FOXP2: variants seen among roughly 807,000 people sequenced by gnomAD.
FOXP2 encodes the protein forkhead box P2.
Under a neutral mutation model 115.8 loss-of-function variants are expected in FOXP2, and 12 were observed. The observed-to-expected ratio is 0.10, with a 90% CI of 0.07 to 0.17. The LOEUF is 0.17. FOXP2 is among the 10% of genes least tolerant of loss of function. The pLI, the probability that FOXP2 is intolerant of heterozygous loss-of-function variation, is 1.00. For synonymous variants in FOXP2, 328 were observed against 297.7 expected (o/e 1.10, Z -1.05); for missense variants, 629 against 843.5 (o/e 0.75, Z 3.15).
intron 2 of FOXP2, among the ~76,000 whole-genome samples, chr7:114,454,309 C>A (rs1191868771): frequency 6.6e-6 from 1 of 152,118 alleles, no homozygotes; most frequent in Non-Finnish European, 1.5e-5. Context: ...CAAATCAAAA[C>A]CACTGTGAGA....
chr7:114,574,719 G>A (rs1437861280), intron 3 of FOXP2, among the ~76,000 whole-genome samples: 1 of 151,836 alleles, frequency 6.6e-6, no homozygotes, highest in Non-Finnish European at 1.5e-5. Context: ...GTTTTACATA[G>A]GATTCTGCCA....
intron 3 of FOXP2, among the ~76,000 whole-genome samples, chr7:114,597,263 A>G (rs941640360): frequency 6.6e-6 from 1 of 152,130 alleles, no homozygotes; most frequent in African/African-American, 2.4e-5. Context: ...GCAGGAGTAT[A>G]TATCTGTGCC....
At chr7:114,127,058 A>T (rs1292885713) in intron 1 of FOXP2, among the ~76,000 whole-genome samples, 1 of 152,286 alleles carries the variant, frequency 6.6e-6, no homozygotes, top group East Asian at 1.9e-4. Flanking sequence ...TGAATGCTCA[A>T]CTGGGAAAAG....
intron 1 of FOXP2, among the ~76,000 whole-genome samples, chr7:114,230,689 A>G (rs138358350): frequency 8.0e-4 from 121 of 152,044 alleles, no homozygotes; most frequent in Non-Finnish European, 1.3e-3. Context: ...CAATAAGAAC[A>G]TTCAGTGTGC....
intron 1 of FOXP2, among the ~76,000 whole-genome samples, chr7:114,269,097 C>T (rs1168978233): frequency 6.6e-6 from 1 of 151,980 alleles, no homozygotes; most frequent in Non-Finnish European, 1.5e-5. Flanking sequence ...GCTAAGTAAA[C>T]AAATAGGGCC....
At chr7:114,358,713 C>A (rs1324188592) in intron 2 of FOXP2, among the ~76,000 whole-genome samples, 6 of 152,112 alleles carry the variant, frequency 3.9e-5, no homozygotes, top group African/African-American at 7.2e-5. Flanking sequence ...ATCTATGGAA[C>A]TTTGAACTTG....
intron 2 of FOXP2, among the ~76,000 whole-genome samples, chr7:114,317,549 G>GC (rs76512736): frequency 0.05 from 7,583 of 152,106 alleles, 537 homozygotes; most frequent in East Asian, 0.34. Flanking sequence ...CTTAATGCAA[G>GC]CCACCATCAC....
At chr7:114,092,734 T>C (rs1162193186) in intron 1 of FOXP2, among the ~76,000 whole-genome samples, 1 of 152,062 alleles carries the variant, frequency 6.6e-6, no homozygotes, top group Non-Finnish European at 1.5e-5. Context: ...CCCAACATCT[T>C]TAAGAACCAT....
intron 1 of FOXP2, among the ~76,000 whole-genome samples, chr7:114,136,708 A>G (rs1272146533): frequency 6.6e-6 from 1 of 151,890 alleles, no homozygotes; most frequent in Non-Finnish European, 1.5e-5. Flanking sequence ...CATTTAAAAG[A>G]AAGAAAGTAA....
At chr7:114,497,684 A>C (rs2129249659) in intron 2 of FOXP2, among the ~76,000 whole-genome samples, 2 of 145,310 alleles carry the variant, frequency 1.4e-5, no homozygotes, top group Admixed American at 6.7e-5. Flanking sequence ...TAAATAAATA[A>C]ATAAATAAAT....
At chr7:114,448,532 T>C (rs952959079) in intron 2 of FOXP2, among the ~76,000 whole-genome samples, 2 of 152,160 alleles carry the variant, frequency 1.3e-5, no homozygotes, top group African/African-American at 4.8e-5. Context: ...GTTAAGTTAA[T>C]GCCTTTTTCT....
At chr7:114,398,315 A>T (rs905826493) in intron 2 of FOXP2, among the ~76,000 whole-genome samples, 1 of 152,144 alleles carries the variant, frequency 6.6e-6, no homozygotes, top group African/African-American at 2.4e-5. Flanking sequence ...TATTGGAAAA[A>T]ATACTTCTTA....
chr7:114,609,557 T>C (rs563732563), intron 3 of FOXP2, among the ~76,000 whole-genome samples: 2 of 152,338 alleles, frequency 1.3e-5, no homozygotes, highest in African/African-American at 2.4e-5. Context: ...ATCTTCGATA[T>C]AGAATGTCTT....
chr7:114,214,648 C>T (rs1794443439), intron 1 of FOXP2, among the ~76,000 whole-genome samples: 2 of 152,152 alleles, frequency 1.3e-5, no homozygotes, highest in Admixed American at 1.3e-4. Flanking sequence ...CCACAGAGCT[C>T]TGCAGGTTGG....
At chr7:114,657,049 G>C (rs1425960661) in intron 10 of FOXP2, among the ~76,000 whole-genome samples, 2 of 152,086 alleles carry the variant, frequency 1.3e-5, no homozygotes, top group African/African-American at 4.8e-5. Context: ...ACTGTATAAA[G>C]TAAAAAGGAC....
intron 2 of FOXP2, among the ~76,000 whole-genome samples, chr7:114,304,313 T>C (rs950053069): frequency 2.0e-4 from 31 of 152,016 alleles, no homozygotes; most frequent in Non-Finnish European, 4.4e-5. Flanking sequence ...CATTGAGCAA[T>C]GCAGAATAAA....
At position 114,102,285 on chromosome 7, in the gene FOXP2, C is replaced by A. The variant is rs115109895; in HGVS notation, c.-247+14447C>A. 6.8e-3 allele frequency among the ~76,000 whole-genome samples: 1,033 copies of A among 151,884 alleles called. 10 individuals are homozygous for A. Among genetic ancestry groups the A allele is most frequent in the African/African-American group, 0.022 (929 of 41,436 alleles). On this transcript the variant is annotated intron_variant, in intron 1 of 19. Transcript: ENST00000635638. ...ATTTTACTTTAGTAATTCATAATTT[C>A]AATAGATGAGGTGTCCCAAACCATT... is the stretch of plus-strand genomic sequence containing the variant.
intron 1 of FOXP2, among the ~76,000 whole-genome samples, chr7:114,260,388 C>T (rs1282168268): frequency 6.6e-6 from 1 of 151,850 alleles, no homozygotes; most frequent in Non-Finnish European, 1.5e-5. Context: ...CTGAAAAATA[C>T]AAATTTGAAA....
At chr7:114,475,528 G>T (rs1284851027) in intron 2 of FOXP2, among the ~76,000 whole-genome samples, 1 of 152,004 alleles carries the variant, frequency 6.6e-6, no homozygotes. Flanking sequence ...TGGATTTTAT[G>T]ATAGGAGCCC....
Sources: gnomAD v4.1 joint callset for allele counts (sites outside exome capture counted in the v4.1 genomes callset) on GRCh38, gnomAD v4.1.1 for gene constraint, MANE v1.5 for transcripts, NCBI Gene and HGNC (gene_info 2026-07-23, HGNC 2026-07-21) for gene names.